The following DOCK3 variants were observed in gnomAD, a reference collection of about 807,000 sequenced individuals.
The protein encoded by DOCK3 is dedicator of cytokinesis protein 3.
DOCK3 carries 60 observed loss-of-function variants against 265.6 expected under a neutral mutation model. The observed-to-expected ratio is 0.23, with a 90% CI of 0.18 to 0.28. DOCK3 has a LOEUF of 0.28. Ranked by LOEUF, DOCK3 falls within the 10% of genes least tolerant of loss-of-function variation. DOCK3 has a pLI of 1.00. For synonymous variants in DOCK3, 881 were observed against 938.0 expected, an observed-to-expected ratio of 0.94 and a Z score of 1.11; for missense variants, 1,981 against 2,594.3, an observed-to-expected ratio of 0.76 and a Z score of 5.14.
rs552365896 is a variant in DOCK3 at position 51,196,561 on chromosome 3, G to T, written c.1038-12213G>T. Among the ~76,000 whole-genome samples, 7 of 152,172 alleles carry T rather than the reference G, an allele frequency of 4.6e-5. No individual in the cohort carries two copies. In the East Asian group the frequency reaches 7.7e-4, roughly 17 times the overall value. On this transcript the variant is annotated intron_variant, in intron 12 of 52. Transcript: ENST00000266037. ...ATTTTAATATTTAATTGTCACAAAG[G>T]CTTTGCTCAGTCTTTTTTATTCCTT...
chr3:51,315,752 A>G (rs1663538111), intron 32 of DOCK3, among the ~76,000 whole-genome samples: 1 of 152,188 alleles, frequency 6.6e-6, no homozygotes, highest in African/African-American at 2.4e-5. Context: ...ACTTGCTAAC[A>G]GCAAAAACTG....
chr3:51,334,445 C>G (rs2084732406), intron 35 of DOCK3, among the ~76,000 whole-genome samples: 2 of 152,180 alleles, frequency 1.3e-5, no homozygotes, highest in East Asian at 3.9e-4. Context: ...CCAGTTGCTG[C>G]TGAAGTAGAA....
Position 51,044,346 on chromosome 3 carries a change from A to C in DOCK3, c.316-20102A>C, listed in dbSNP as rs568731370. ...ACAAAAAAACAGAAAACCAAATACC[A>C]CATATTCTCACTTATAAGTGGAAGC... On this transcript the variant is annotated intron_variant, in intron 5 of 52. Coordinates refer to ENST00000266037, the MANE Select transcript of DOCK3 (RefSeq NM_004947.5). Among the ~76,000 whole-genome samples the C allele has an allele frequency of 7.2e-5, 11 of 152,204 alleles. No homozygotes were observed. The East Asian group carries it at 7.7e-4, about 11-fold the overall frequency.
At chr3:51,320,512 G>A (rs189670390) in intron 32 of DOCK3, among the ~76,000 whole-genome samples, 1 of 152,210 alleles carries the variant, frequency 6.6e-6, no homozygotes, top group Admixed American at 6.5e-5. Context: ...TAAAGCCAGG[G>A]AGCCAAGGGG....
intron 4 of DOCK3, among the ~76,000 whole-genome samples, chr3:50,894,505 G>A (rs2048799997): frequency 6.6e-6 from 1 of 151,938 alleles, no homozygotes; most frequent in African/African-American, 2.4e-5. Context: ...ATGCTATACA[G>A]CAACATGAAA....
chr3:51,180,866 A>T (rs916854331), intron 12 of DOCK3, among the ~76,000 whole-genome samples: 3 of 152,220 alleles, frequency 2.0e-5, no homozygotes, highest in African/African-American at 7.2e-5. Context: ...CTCTGCAAGG[A>T]GGTTAGTCCA....
intron 1 of DOCK3, among the ~76,000 whole-genome samples, chr3:50,752,776 A>G (rs1559593831): frequency 6.6e-6 from 1 of 152,048 alleles, no homozygotes; most frequent in Admixed American, 6.6e-5. Context: ...AGACTGTCTC[A>G]AAACAAACAA....
In DOCK3 at chr3:50,893,146, C is replaced by T. The variant is rs555856176; in HGVS notation, c.218+3065C>T. The T allele has an allele frequency of 5.6e-5, 10 of 179,550 alleles. No individual in the cohort carries two copies. In the South Asian group the frequency reaches 6.6e-4, roughly 12 times the overall value. The allele number at this position is 179,550 out of a possible 1,614,324, so 11.1% of individuals were successfully genotyped here. A position where few individuals can be genotyped will look rare whatever the true frequency, so the allele number is the denominator to read the frequency against. ...TCTATTGAAGTCAGTCCATAAAGAC[C>T]GGGAGAAGTGGTTGTTTCTTCAAAT... On this transcript the variant is annotated intron_variant, in intron 4 of 52. Transcript: ENST00000266037.
At position 50,886,350 on chromosome 3, in the gene DOCK3, C is replaced by T. The variant is rs538268262; in HGVS notation, c.163-3676C>T. ...AATTGTTTTTTTAAAAACAGATAAA[C>T]GATAGTCATCATTTAGCTATGGTTA... On this transcript the variant is annotated intron_variant, in intron 3 of 52. Transcript: ENST00000266037. Among the ~76,000 whole-genome samples, 14 of 151,592 alleles carry T rather than the reference C, an allele frequency of 9.2e-5. No homozygotes were observed. In the South Asian group the frequency reaches 1.0e-3, roughly 11 times the overall value.
intron 5 of DOCK3, among the ~76,000 whole-genome samples, chr3:51,018,324 G>A (rs896133937): frequency 1.5e-4 from 22 of 151,658 alleles, no homozygotes; most frequent in South Asian, 1.2e-3. Context: ...TTGGCTGGGC[G>A]TGGTGGCTCA....
chr3:50,727,527 A>G (rs1052173213), intron 1 of DOCK3, among the ~76,000 whole-genome samples: 41 of 152,094 alleles, frequency 2.7e-4, no homozygotes, highest in African/African-American at 9.4e-4. Flanking sequence ...GTGAAACCCC[A>G]TCTCTACTAA....
intron 5 of DOCK3, among the ~76,000 whole-genome samples, chr3:50,998,928 C>T (rs2078375590): frequency 6.6e-6 from 1 of 152,162 alleles, no homozygotes; most frequent in East Asian, 1.9e-4. Flanking sequence ...TTGAAATAGT[C>T]ATATCAGAAT....
intron 1 of DOCK3, among the ~76,000 whole-genome samples, chr3:50,729,368 ATTTATTTATT>A (rs1284533452): frequency 1.4e-5 from 2 of 145,724 alleles, no homozygotes; most frequent in Non-Finnish European, 3.0e-5. Context: ...TTATTTATTT[ATTTATTTATT>A]TTTATTTATT....
intron 9 of DOCK3, among the ~76,000 whole-genome samples, chr3:51,094,244 G>A (rs1311761112): frequency 6.6e-6 from 1 of 152,146 alleles, no homozygotes; most frequent in African/African-American, 2.4e-5. Flanking sequence ...AAAAGGAATG[G>A]TACCAGCTCC....
intron 7 of DOCK3, among the ~76,000 whole-genome samples, chr3:51,088,304 A>G (rs1190134784): frequency 1.3e-5 from 2 of 152,302 alleles, no homozygotes; most frequent in East Asian, 3.9e-4. Context: ...TTGCTCAGCA[A>G]ATACAAACAT....
chr3:51,305,640 T>A (rs4974108), intron 27 of DOCK3, among the ~76,000 whole-genome samples: 1 of 151,206 alleles, frequency 6.6e-6, no homozygotes, highest in Non-Finnish European at 1.5e-5. Context: ...CTTTGTTCCT[T>A]TGTTCCTCCA....
intron 2 of DOCK3, among the ~76,000 whole-genome samples, chr3:50,805,087 G>C (rs2043332517): frequency 6.6e-6 from 1 of 151,860 alleles, no homozygotes; most frequent in African/African-American, 2.4e-5. Flanking sequence ...GCTTTTTCTT[G>C]GTTGATATGT....
intron 37 of DOCK3, among the ~76,000 whole-genome samples, chr3:51,339,865 G>A (rs1243477959): frequency 1.3e-5 from 2 of 152,158 alleles, no homozygotes; most frequent in Non-Finnish European, 2.9e-5. Flanking sequence ...GTCTGCAAAC[G>A]CTACTGCAAT....
At chr3:50,679,869 GTGT>G (rs1241281291) in intron 1 of DOCK3, among the ~76,000 whole-genome samples, 1 of 152,176 alleles carries the variant, frequency 6.6e-6, no homozygotes, top group African/African-American at 2.4e-5. Context: ...GTCTTGTTTA[GTGT>G]TTATGGGGAA....
Sources: allele counts gnomAD v4.1 joint callset (sites outside exome capture counted in the v4.1 genomes callset), GRCh38; gene constraint gnomAD v4.1.1; transcripts MANE v1.5; gene names NCBI Gene and HGNC (gene_info 2026-07-23, HGNC 2026-07-21).